ARHGAP44: variants seen among roughly 807,000 people sequenced by gnomAD.
The protein encoded by ARHGAP44 is Rho GTPase activating protein 44.
A neutral mutation model predicts 106.8 loss-of-function variants in ARHGAP44; 43 were observed. The observed-to-expected ratio is 0.40, with a 90% CI of 0.32 to 0.52. The LOEUF is 0.52. Ranked by LOEUF, ARHGAP44 falls within the 20% of genes least tolerant of loss-of-function variation. The pLI is 0.48. For missense variants in ARHGAP44, 866 were observed against 1,050.5 expected (o/e 0.82, Z 2.43); for synonymous variants, 439 against 410.3 (o/e 1.07, Z -0.85).
rs189433620 is a variant in ARHGAP44, at chr17:12,951,237, T to G, written c.1056-1264T>G. On this transcript the variant is annotated intron_variant, in intron 12 of 20. Coordinates refer to ENST00000379672, the MANE Select transcript of ARHGAP44 (RefSeq NM_014859.6). The stretch of plus-strand genomic sequence containing the variant: ...CATTGTGTGTTTTTAACTCCTGTAA[T>G]TTTGACAAGAACCCTATGAAGTGGG... Among the ~76,000 whole-genome samples the G allele has an allele frequency of 5.1e-4, 77 of 152,354 alleles. 1 individual carries two copies. The highest frequency in any genetic ancestry group is 1.6e-3 in the African/African-American group (68 of 41,590).
At chr17:12,941,211 C>T in intron 8 of ARHGAP44, 87 bp downstream of exon 8, 6 of 1,241,240 alleles carry the variant, frequency 4.8e-6, no homozygotes, top group South Asian at 3.8e-5. Flanking sequence ...CTTAATTGAT[C>T]ACATCATAGA....
At chr17:12,813,544 T>C (rs996826050) in intron 1 of ARHGAP44, among the ~76,000 whole-genome samples, 1 of 152,184 alleles carries the variant, frequency 6.6e-6, no homozygotes, top group Non-Finnish European at 1.5e-5. Flanking sequence ...TACATTTCTA[T>C]CTGCATATGA....
intron 8 of ARHGAP44, among the ~76,000 whole-genome samples, chr17:12,943,086 T>G (rs2038750476): frequency 6.6e-6 from 1 of 152,232 alleles, no homozygotes; most frequent in African/African-American, 2.4e-5. Flanking sequence ...TTGTTTCTAT[T>G]TTAAGAGATG....
At chr17:12,926,419 T>C (rs1461075256) in intron 6 of ARHGAP44, among the ~76,000 whole-genome samples, 3 of 141,702 alleles carry the variant, frequency 2.1e-5, no homozygotes, top group African/African-American at 7.6e-5. Context: ...ATATAATATA[T>C]ATGTATATAT....
At chr17:12,814,467 C>T (rs925721833) in intron 1 of ARHGAP44, among the ~76,000 whole-genome samples, 1 of 151,932 alleles carries the variant, frequency 6.6e-6, no homozygotes, top group Non-Finnish European at 1.5e-5. Flanking sequence ...TCTCGAACTC[C>T]TGACCTCAGG....
chr17:12,944,287 A>C, intron 10 of ARHGAP44, 91 bp downstream of exon 10: 2 of 1,412,838 alleles, frequency 1.4e-6, no homozygotes, highest in Non-Finnish European at 1.9e-6. Flanking sequence ...TACCATCTCC[A>C]CTCCGGCCCC....
chr17:12,927,552 A>G (rs1473007436), intron 6 of ARHGAP44, among the ~76,000 whole-genome samples: 1 of 152,214 alleles, frequency 6.6e-6, no homozygotes. Context: ...GTTAGCCTGC[A>G]TGGTTTTTAA....
chr17:12,938,022 T>C (rs955761039), intron 7 of ARHGAP44, among the ~76,000 whole-genome samples: 1 of 151,930 alleles, frequency 6.6e-6, no homozygotes, highest in African/African-American at 2.4e-5. Context: ...CGCTTGAACC[T>C]GGAAGGCGGA....
At chr17:12,973,033 C>A in intron 16 of ARHGAP44, 1 of 405,714 alleles carries the variant, frequency 2.5e-6, no homozygotes, top group South Asian at 7.7e-5. Context: ...TTTCTTCCTT[C>A]TGCCTCTTTC....
chr17:12,968,161 G>A (rs1336463158), intron 16 of ARHGAP44, among the ~76,000 whole-genome samples: 1 of 152,154 alleles, frequency 6.6e-6, no homozygotes, highest in African/African-American at 2.4e-5. Context: ...GCAACGTGGC[G>A]GGGCCCACTT....
At chr17:12,974,919 G>C (rs1052285256) in intron 18 of ARHGAP44, among the ~76,000 whole-genome samples, 1 of 150,084 alleles carries the variant, frequency 6.7e-6, no homozygotes, top group Non-Finnish European at 1.5e-5. Context: ...GCGCGATCTC[G>C]ACTCACTGCA....
intron 18 of ARHGAP44, among the ~76,000 whole-genome samples, chr17:12,975,895 C>G (rs1388887562): frequency 6.6e-6 from 1 of 151,484 alleles, no homozygotes; most frequent in Non-Finnish European, 1.5e-5. Context: ...AATGACAGCA[C>G]TTGGTTATGC....
At chr17:12,908,444 G>A (rs971796535) in intron 3 of ARHGAP44, among the ~76,000 whole-genome samples, 18 of 151,992 alleles carry the variant, frequency 1.2e-4, no homozygotes, top group Middle Eastern at 3.2e-3. Context: ...TGATCCACCC[G>A]CCTCGGCCTC....
chr17:12,979,839 C>T lies in ARHGAP44; in HGVS notation c.1764-219C>T, dbSNP rs139193015. Reference sequence around the variant, plus strand: ...GGGCATTGGCAGTGAGTGCCAAGTGCCACAGAGATGGGGGCAGAACCCAGG... The same window carrying T: ...GGGCATTGGCAGTGAGTGCCAAGTGTCACAGAGATGGGGGCAGAACCCAGG... On this transcript the variant is annotated intron_variant, in intron 18 of 20. Transcript: ENST00000379672. 4.1e-3 allele frequency among the ~76,000 whole-genome samples: 629 copies of T among 152,218 alleles called. 3 individuals are homozygous for T. Among genetic ancestry groups the T allele is most frequent in the African/African-American group, 0.015 (603 of 41,532 alleles).
intron 20 of ARHGAP44, 83 bp downstream of exon 20, chr17:12,984,991 C>G: frequency 2.7e-6 from 4 of 1,483,778 alleles, no homozygotes; most frequent in Non-Finnish European, 3.6e-6. Context: ...GTGTTACTGC[C>G]AGTGAACACA....
chr17:12,894,623 G>A (rs181456985), intron 1 of ARHGAP44, among the ~76,000 whole-genome samples: 23 of 152,264 alleles, frequency 1.5e-4, no homozygotes, highest in Admixed American at 1.1e-3. Context: ...GAGGCCAAGC[G>A]TTATGGGTGG....
At chr17:12,803,376 G>A (rs1487988376) in intron 1 of ARHGAP44, among the ~76,000 whole-genome samples, 2 of 152,100 alleles carry the variant, frequency 1.3e-5, no homozygotes, top group African/African-American at 4.8e-5. Context: ...CTAAATGCTG[G>A]AATTGCAGGC....
intron 1 of ARHGAP44, among the ~76,000 whole-genome samples, chr17:12,863,074 G>T (rs774079661): frequency 2.6e-5 from 4 of 151,190 alleles, no homozygotes. Context: ...GGTCGCTTGG[G>T]CCCAGGAGTT....
chr17:12,824,131 C>A (rs999419294), intron 1 of ARHGAP44, among the ~76,000 whole-genome samples: 1 of 152,084 alleles, frequency 6.6e-6, no homozygotes, highest in Non-Finnish European at 1.5e-5. Context: ...GATCACTCTA[C>A]AGTGTCTCCC....
Sources: allele counts gnomAD v4.1 joint callset (sites outside exome capture counted in the v4.1 genomes callset), GRCh38; gene constraint gnomAD v4.1.1; transcripts MANE v1.5; gene names NCBI Gene and HGNC (gene_info 2026-07-23, HGNC 2026-07-21).